Variants in SMCO1 observed in about 807,000 individuals in gnomAD.
SMCO1 encodes the protein single-pass membrane protein with coiled-coil domains 1, also known as single-pass membrane and coiled-coil domain-containing protein 1.
A neutral mutation model predicts 7.5 loss-of-function variants in SMCO1; 9 were observed. That is an observed-to-expected ratio of 1.20 (90% CI 0.72 to 2.09). The LOEUF (loss-of-function observed/expected upper bound fraction) is 2.09, where lower values mean the gene tolerates loss of function less well. SMCO1 is among the 30% of genes most tolerant of loss of function. The probability of loss-of-function intolerance (pLI) is 0.00; values close to 1 mark genes in which losing one functional copy is unlikely to be tolerated. For synonymous variants in SMCO1, 90 were observed against 93.8 expected (o/e 0.96, Z 0.23); for missense variants, 219 against 253.1 (o/e 0.87, Z 0.91).
intron 2 of SMCO1, 26 bp downstream of exon 2, chr3:196,509,494 C>CATT (rs773689252): frequency 1.9e-6 from 3 of 1,586,124 alleles, no homozygotes; most frequent in Non-Finnish European, 2.6e-6. Context: ...CCACAGAATC[C>CATT]CACTGATTTC....
At chr3:196,509,419 A>T (rs997400422) in intron 2 of SMCO1, 101 bp downstream of exon 2, 2 of 1,010,272 alleles carry the variant, frequency 2.0e-6, no homozygotes, top group African/African-American at 1.6e-5. Context: ...ATTGCTTTAC[A>T]ATCCATTGTG....
upstream of SMCO1, among the ~76,000 whole-genome samples, chr3:196,515,982 G>GGA (rs1175901841): frequency 2.9e-5 from 1 of 34,896 alleles, no homozygotes; most frequent in African/African-American, 2.5e-4. Flanking sequence ...CCGGGCAAGA[G>GGA]GATAGGATAT....
At chr3:196,513,627 CAAAAAA>C (rs63105160) in intron 1 of SMCO1, among the ~76,000 whole-genome samples, 33 of 93,776 alleles carry the variant, frequency 3.5e-4, no homozygotes, top group African/African-American at 6.5e-4. Flanking sequence ...GACTCTGTCT[CAAAAAA>C]AAAAAAAAAA....
intron 1 of SMCO1, among the ~76,000 whole-genome samples, chr3:196,514,350 ACT>A (rs151321946): frequency 0.13 from 19,471 of 152,090 alleles, 1,499 homozygotes; most frequent in Middle Eastern, 0.24. Context: ...GCTTATATGC[ACT>A]GTTTCCTCAG....
chr3:196,514,139 A>T (rs1337271061), intron 1 of SMCO1, among the ~76,000 whole-genome samples: 1 of 152,136 alleles, frequency 6.6e-6, no homozygotes, highest in Admixed American at 6.5e-5. Context: ...TCTGTGACTC[A>T]ACTGATTACA....
upstream of SMCO1, among the ~76,000 whole-genome samples, chr3:196,516,812 T>C (rs148290545): frequency 3.9e-5 from 6 of 152,170 alleles, no homozygotes; most frequent in African/African-American, 1.4e-4. Context: ...AGAAGATTAA[T>C]CTAGGCTCAG....
upstream of SMCO1, among the ~76,000 whole-genome samples, chr3:196,519,872 T>A (rs1310549349): frequency 6.6e-6 from 1 of 152,038 alleles, no homozygotes; most frequent in African/African-American, 2.4e-5. Flanking sequence ...GAGTCACACC[T>A]ACAACCACGG....
In SMCO1 at chr3:196,509,061, T is replaced by C. The variant is rs560639519; in HGVS notation, c.200+459A>G. Among the ~76,000 whole-genome samples, 4 of 151,748 alleles carry C rather than the reference T, an allele frequency of 2.6e-5. No individual in the cohort carries two copies. In the South Asian group the frequency reaches 8.3e-4, roughly 32 times the overall value. ...GAGATGCTCAAATTAATCTTTTTTT[T>C]TTCTTTGAGACGGAGTCTCGCTTTG... On this transcript the variant is annotated intron_variant, in intron 2 of 2. Transcript: ENST00000397537.
upstream of SMCO1, among the ~76,000 whole-genome samples, chr3:196,516,631 C>T (rs377446577): frequency 3.9e-5 from 6 of 152,204 alleles, no homozygotes; most frequent in East Asian, 3.9e-4. Context: ...ATAAAACCTA[C>T]GAATGGATGA....
In SMCO1 at chr3:196,508,173, A is replaced by C. The variant is rs537869216; in HGVS notation, c.359T>G (p.Val120Gly). Reference protein sequence around the residue: ...RRKVKNKRVRVVWESILEECG... With the variant: ...RRKVKNKRVRGVWESILEECG... ...CTCCTCCAGTATGGACTCCCATACA[A>C]CTCTAACGCGCTTGTTCTTAACTTT... The change falls in exon 3 of 3, where the codon GTT becomes GGT. Residue 120 changes from valine (V) to glycine (G), a missense_variant. Val to Gly is a moderately radical substitution (Grantham distance 109). Coordinates refer to ENST00000397537, the MANE Select transcript of SMCO1 (RefSeq NM_001077657.3). The C allele has an allele frequency of 1.2e-6, 2 of 1,614,052 alleles. No homozygotes were observed. Among genetic ancestry groups the C allele is most frequent in the South Asian group, 2.2e-5 (2 of 91,076 alleles).
At chr3:196,520,460 T>G in the SMCO1 span, among the ~76,000 whole-genome samples, 10,725 of 151,342 alleles carry the variant, frequency 0.071, 927 homozygotes, top group African/African-American at 0.21. Context: ...CAGAACCCCC[T>G]CCAATCATGC....
At chr3:196,516,630 A>G (rs78138024), upstream of SMCO1, among the ~76,000 whole-genome samples, 1,517 of 152,324 alleles carry the variant, frequency 1.0e-2, 24 homozygotes, top group Middle Eastern at 0.034. Context: ...TATAAAACCT[A>G]CGAATGGATG....
upstream of SMCO1, among the ~76,000 whole-genome samples, chr3:196,518,590 AAG>A (rs1302333961): frequency 1.3e-5 from 2 of 152,066 alleles, no homozygotes; most frequent in African/African-American, 4.8e-5. Flanking sequence ...GCTGGAGACA[AAG>A]GACCCTGGCA....
Position 196,508,057 on chromosome 3 carries a change from G to A in SMCO1, c.475C>T (p.Gln159Ter), listed in dbSNP as rs751898835. The A allele has an allele frequency of 2.2e-5, 36 of 1,614,006 alleles. No homozygotes were observed. Among genetic ancestry groups the A allele is most frequent in the Non-Finnish European group, 2.6e-5 (31 of 1,180,028 alleles). ...AACGTGACATCCCTGATGTACATCT[G>A]CCTCACTTTAGCAGTATAGTGTTCT... ...KAEHYTAKVR[Q>*]MYIRDVTFLI... The change falls in exon 3 of 3, where the codon CAG becomes TAG. Residue 159 changes from glutamine to a stop codon, truncating the protein, a stop_gained. Coordinates refer to ENST00000397537, the MANE Select transcript of SMCO1 (RefSeq NM_001077657.3). LOFTEE classifies it low-confidence loss of function (END_TRUNC).
rs1184207941 is a variant in SMCO1 at position 196,507,758 on chromosome 3, T to C, written c.*129A>G. 1.6e-6 allele frequency: 1 copy of C among 623,960 alleles called. No homozygotes were observed. Among genetic ancestry groups the C allele is most frequent in the Non-Finnish European group, 2.8e-6 (1 of 355,520 alleles). The allele number at this position is 623,960 out of a possible 1,614,324, so 38.7% of individuals were successfully genotyped here. On this transcript the variant is annotated 3_prime_UTR_variant, in exon 3 of 3. Transcript: ENST00000397537. ...CAAAGAAAGTATCTATTGTATCAAT[T>C]TGTCATAATTTATTTAACATCCTCT...
intron 1 of SMCO1, among the ~76,000 whole-genome samples, chr3:196,513,788 A>C (rs1389777507): frequency 1.3e-5 from 2 of 152,162 alleles, no homozygotes; most frequent in Non-Finnish European, 2.9e-5. Flanking sequence ...AGTTCTTTGG[A>C]ATCCTCTCAC....
upstream of SMCO1, among the ~76,000 whole-genome samples, chr3:196,518,107 T>G (rs368934804): frequency 6.6e-6 from 1 of 152,184 alleles, no homozygotes. Context: ...CAGGTAGAAG[T>G]AACATGTACA....
At position 196,508,010 on chromosome 3, in the gene SMCO1, C is replaced by CT. The variant is rs1339003223; in HGVS notation, c.521dup (p.Asn175GlufsTer16). On this transcript the variant is annotated frameshift_variant, in exon 3 of 3. Transcript: ENST00000397537. LOFTEE classifies it high-confidence loss of function. ...GCAAACTGTCCTGCAGAGCCTGGTT[C>CT]TTTACCATGTTAGTAATTAGGAACG... 15 of 1,614,026 alleles carry CT rather than the reference C, an allele frequency of 9.3e-6. No individual in the cohort carries two copies. The highest frequency in any genetic ancestry group is 2.2e-5 in the South Asian group (2 of 91,090).
upstream of SMCO1, among the ~76,000 whole-genome samples, chr3:196,516,693 T>C (rs1391563847): frequency 6.6e-6 from 1 of 152,174 alleles, no homozygotes; most frequent in Non-Finnish European, 1.5e-5. Context: ...GCGAAATCCT[T>C]GTCCTCAAGG....
Sources: gnomAD v4.1 joint callset for allele counts (sites outside exome capture counted in the v4.1 genomes callset) on GRCh38, gnomAD v4.1.1 for gene constraint, MANE v1.5 for transcripts, NCBI Gene and HGNC (gene_info 2026-07-23, HGNC 2026-07-21) for gene names.